Variants in TOX observed in about 807,000 individuals in gnomAD.
TOX encodes the protein thymocyte selection associated high mobility group box.
Under a neutral mutation model 53.7 loss-of-function variants are expected in TOX, and 11 were observed. The observed-to-expected ratio is 0.20, with a 90% CI of 0.13 to 0.34. The LOEUF (loss-of-function observed/expected upper bound fraction) is 0.34. Ranked by LOEUF, TOX falls within the 10% of genes least tolerant of loss-of-function variation. The pLI, the probability that TOX is intolerant of heterozygous loss-of-function variation, is 1.00. For synonymous variants in TOX, 225 were observed against 245.3 expected (o/e 0.92, Z 0.77); for missense variants, 570 against 664.6 (o/e 0.86, Z 1.56).
At chr8:58,848,467 C>G (rs1810755675) in intron 4 of TOX, among the ~76,000 whole-genome samples, 1 of 151,906 alleles carries the variant, frequency 6.6e-6, no homozygotes, top group Non-Finnish European at 1.5e-5. Context: ...ATAAGAGACA[C>G]TCAGATAAAA....
intron 1 of TOX, among the ~76,000 whole-genome samples, chr8:59,054,824 A>G (rs1223575709): frequency 6.6e-6 from 1 of 151,550 alleles, no homozygotes. Context: ...GAAGAAAGAG[A>G]GAAAGAGAAA....
In TOX at chr8:58,930,387, A is replaced by T. The variant is rs183141727; in HGVS notation, c.411+8915T>A. On this transcript the variant is annotated intron_variant, in intron 3 of 8. Coordinates refer to ENST00000361421, the MANE Select transcript of TOX (RefSeq NM_014729.3). ...TCTACATGGAGGTCTAGGCAATGAA[A>T]CCAAGTAAACTCTCAGGGTTTCTAG... Among the ~76,000 whole-genome samples the T allele has an allele frequency of 4.6e-5, 7 of 152,344 alleles. No individual in the cohort carries two copies. The East Asian group carries it at 1.3e-3, about 29-fold the overall frequency.
At chr8:59,032,960 G>C (rs777983373) in intron 1 of TOX, among the ~76,000 whole-genome samples, 1 of 151,858 alleles carries the variant, frequency 6.6e-6, no homozygotes. Context: ...GGACCTGGGA[G>C]GCAGAGATTG....
intron 1 of TOX, among the ~76,000 whole-genome samples, chr8:59,082,252 T>G (rs187719967): frequency 3.0e-4 from 46 of 152,262 alleles, no homozygotes; most frequent in African/African-American, 1.1e-3. Flanking sequence ...CCTTAAAGTT[T>G]GCTTTTAAAA....
Position 59,102,953 on chromosome 8 carries a change from A to C in TOX, c.102+15933T>G, listed in dbSNP as rs115657122. Among the ~76,000 whole-genome samples the C allele has an allele frequency of 1.3e-3, 196 of 152,192 alleles. 2 individuals carry two copies. The highest frequency in any genetic ancestry group is 4.5e-3 in the African/African-American group (187 of 41,516). On this transcript the variant is annotated intron_variant, in intron 1 of 8. Transcript: ENST00000361421. ...GCTGATCCTTTTCTTGAATTTTCCA[A>C]ATTCGCTTCATGTTAGGTTTTCTAT...
At chr8:58,942,325 A>G (rs1461207052) in intron 2 of TOX, among the ~76,000 whole-genome samples, 5 of 152,208 alleles carry the variant, frequency 3.3e-5, no homozygotes, top group Non-Finnish European at 7.3e-5. Context: ...GTTAAGCTAC[A>G]TGGTTTATTT....
chr8:59,039,832 G>C (rs545650460), intron 1 of TOX, among the ~76,000 whole-genome samples: 2 of 151,246 alleles, frequency 1.3e-5, no homozygotes, highest in Non-Finnish European at 2.9e-5. Flanking sequence ...ACAGAGGAGA[G>C]CTAATTTAAA....
chr8:58,998,505 A>AAATT (rs1563413281), intron 1 of TOX, among the ~76,000 whole-genome samples: 27 of 79,592 alleles, frequency 3.4e-4, no homozygotes, highest in African/African-American at 1.5e-3. Context: ...ATATATATAT[A>AAATT]TATATATATA....
intron 3 of TOX, among the ~76,000 whole-genome samples, chr8:58,853,700 C>T (rs777641209): frequency 1.5e-4 from 23 of 152,110 alleles, no homozygotes; most frequent in Non-Finnish European, 2.8e-4. Flanking sequence ...TGTTGTCTAC[C>T]CAAATCAACA....
At chr8:58,993,402 A>C (rs1813492685) in intron 1 of TOX, among the ~76,000 whole-genome samples, 1 of 152,204 alleles carries the variant, frequency 6.6e-6, no homozygotes, top group African/African-American at 2.4e-5. Flanking sequence ...ATAAAGTTTC[A>C]CCAGGAATGG....
intron 2 of TOX, among the ~76,000 whole-genome samples, chr8:58,957,464 G>A (rs1812729832): frequency 1.3e-5 from 2 of 152,214 alleles, no homozygotes; most frequent in Non-Finnish European, 2.9e-5. Context: ...TCTAGCTTAA[G>A]AGGTAGAGAA....
chr8:59,097,085 C>A (rs1272739953), intron 1 of TOX, among the ~76,000 whole-genome samples: 1 of 152,178 alleles, frequency 6.6e-6, no homozygotes, highest in Admixed American at 6.5e-5. Context: ...GTACTCACAG[C>A]CCGATGTGGG....
In TOX at chr8:58,826,817, G is replaced by T. The variant is rs371269810; in HGVS notation, c.1005+5C>A. ...CCTTCACAATATCACACAACTGCAC[G>T]TTACCTTGGATACAAGGCTGGCTCT... is the stretch of plus-strand genomic sequence containing the variant. On this transcript the variant is annotated splice_donor_5th_base_variant and intron_variant, in intron 6 of 8. Coordinates refer to ENST00000361421, the MANE Select transcript of TOX (RefSeq NM_014729.3). 4 of 1,601,754 alleles carry T rather than the reference G, an allele frequency of 2.5e-6. No homozygotes were observed. The highest frequency in any genetic ancestry group is 1.7e-5 in the Admixed American group (1 of 57,380).
At chr8:58,995,851 C>A (rs1027532769) in intron 1 of TOX, among the ~76,000 whole-genome samples, 2 of 152,104 alleles carry the variant, frequency 1.3e-5, no homozygotes, top group Non-Finnish European at 2.9e-5. Context: ...TTACTTTGTG[C>A]CATTTCAAAA....
At chr8:59,000,083 C>A (rs1813660379) in intron 1 of TOX, among the ~76,000 whole-genome samples, 1 of 152,048 alleles carries the variant, frequency 6.6e-6, no homozygotes, top group African/African-American at 2.4e-5. Context: ...ATCAGGTACC[C>A]TTTTAAAATA....
chr8:59,092,789 T>C (rs1178990994), intron 1 of TOX, among the ~76,000 whole-genome samples: 1 of 152,204 alleles, frequency 6.6e-6, no homozygotes, highest in Non-Finnish European at 1.5e-5. Flanking sequence ...TTGTTCCATC[T>C]TAGCATCTTC....
chr8:58,897,510 C>T (rs905484306), intron 3 of TOX, among the ~76,000 whole-genome samples: 2 of 152,180 alleles, frequency 1.3e-5, no homozygotes, highest in Non-Finnish European at 2.9e-5. Context: ...CAAAATCAAA[C>T]TGCAACATCA....
chr8:58,851,389 C>T lies in TOX; in HGVS notation c.693+135G>A. ...TGGTTTAATCCAGTATGTTTGTAAC[C>T]TCATGCTTCATTAACAAAGCAGGTG... On this transcript the variant is annotated intron_variant, in intron 4 of 8. Transcript: ENST00000361421. The surrounding 1 kb of genome is among the most constrained non-coding windows in gnomAD (Gnocchi z 4.4). 1 of 1,002,016 alleles carries T rather than the reference C, an allele frequency of 1.0e-6. No individual in the cohort carries two copies. Among genetic ancestry groups the T allele is most frequent in the Non-Finnish European group, 1.5e-6 (1 of 687,730 alleles). 62.1% of individuals were successfully genotyped at this position (1,002,016 alleles called of 1,614,324 possible). A position where few individuals can be genotyped will look rare whatever the true frequency, so the allele number is the denominator to read the frequency against.
At chr8:59,012,974 A>T (rs1321233698) in intron 1 of TOX, among the ~76,000 whole-genome samples, 1 of 152,112 alleles carries the variant, frequency 6.6e-6, no homozygotes. Flanking sequence ...CACTGGTGAC[A>T]AATAAATCAA....
Sources: allele counts gnomAD v4.1 joint callset (sites outside exome capture counted in the v4.1 genomes callset), GRCh38; gene constraint gnomAD v4.1.1; non-coding constraint Gnocchi (gnomAD v3.1); transcripts MANE v1.5; gene names NCBI Gene and HGNC (gene_info 2026-07-23, HGNC 2026-07-21).